The following TMEFF2 variants were observed in gnomAD, a reference collection of about 807,000 sequenced individuals.
The protein encoded by TMEFF2 is transmembrane protein with EGF like and two follistatin like domains 2.
Under a neutral mutation model 53.8 loss-of-function variants are expected in TMEFF2, and 28 were observed. That is an observed-to-expected ratio of 0.52 (90% CI 0.39 to 0.71). The LOEUF is 0.71. TMEFF2 is among the 30% of genes least tolerant of loss of function. The pLI, the probability that TMEFF2 is intolerant of heterozygous loss-of-function variation, is 0.00. For synonymous variants in TMEFF2, 162 were observed against 166.3 expected, an observed-to-expected ratio of 0.97 and a Z score of 0.20; for missense variants, 353 against 455.2, an observed-to-expected ratio of 0.78 and a Z score of 2.04.
At chr2:192,040,491 A>G (rs1386473134) in intron 5 of TMEFF2, among the ~76,000 whole-genome samples, 2 of 152,140 alleles carry the variant, frequency 1.3e-5, no homozygotes, top group African/African-American at 4.8e-5. Context: ...TTAATGTATA[A>G]GGATTAAAAT....
At chr2:191,972,029 T>C (rs1692657428) in intron 7 of TMEFF2, among the ~76,000 whole-genome samples, 1 of 152,140 alleles carries the variant, frequency 6.6e-6, no homozygotes, top group African/African-American at 2.4e-5. Context: ...GGAAACAGCC[T>C]TGTGGCTAGA....
chr2:192,038,273 T>G (rs1029793750), intron 5 of TMEFF2, among the ~76,000 whole-genome samples: 1 of 152,246 alleles, frequency 6.6e-6, no homozygotes, highest in Middle Eastern at 3.4e-3. Context: ...CTAAGTAAAC[T>G]TAGACAAGTT....
intron 4 of TMEFF2, among the ~76,000 whole-genome samples, chr2:192,089,523 C>A (rs1020403952): frequency 2.0e-5 from 3 of 152,080 alleles, no homozygotes; most frequent in Non-Finnish European, 2.9e-5. Flanking sequence ...CCCTTAGAAT[C>A]TTTGACAGTC....
chr2:192,061,168 A>C (rs1688035328), intron 4 of TMEFF2, among the ~76,000 whole-genome samples: 1 of 152,122 alleles, frequency 6.6e-6, no homozygotes, highest in African/African-American at 2.4e-5. Context: ...TGACTCTTAT[A>C]ATATTCTTAA....
Position 192,071,583 on chromosome 2 carries a change from G to A in TMEFF2, c.440-13808C>T, listed in dbSNP as rs1325896015. Among the ~76,000 whole-genome samples, 3 of 151,846 alleles carry A rather than the reference G, an allele frequency of 2.0e-5. No individual in the cohort carries two copies. In the South Asian group the frequency reaches 6.2e-4, roughly 31 times the overall value. On this transcript the variant is annotated intron_variant, in intron 4 of 9. Coordinates refer to ENST00000272771, the MANE Select transcript of TMEFF2 (RefSeq NM_016192.4). ...ATCTCTCAGTGTCTGCGAGGGATTA[G>A]TTCCAGGAACTCCTGTGGACACCAG...
intron 4 of TMEFF2, among the ~76,000 whole-genome samples, chr2:192,128,582 T>C (rs139950025): frequency 2.0e-5 from 3 of 152,162 alleles, no homozygotes; most frequent in Non-Finnish European, 4.4e-5. Context: ...ACAAACAGTA[T>C]CTATTTTAAT....
At chr2:192,175,412 T>C (rs1691016791) in intron 4 of TMEFF2, among the ~76,000 whole-genome samples, 1 of 151,650 alleles carries the variant, frequency 6.6e-6, no homozygotes, top group Admixed American at 6.6e-5. Context: ...TTGGTAATGT[T>C]ATATGAAAAT....
chr2:191,999,059 C>A lies in TMEFF2; in HGVS notation c.685+1G>T. The A allele has an allele frequency of 6.2e-7, 1 of 1,606,590 alleles. No individual in the cohort carries two copies. Among genetic ancestry groups the A allele is most frequent in the Non-Finnish European group, 8.5e-7 (1 of 1,175,594 alleles). Reference sequence around the variant, plus strand: ...GAAATGAATTTTGGTATGAACATTACCTTGACATCGACCCAAAGACATGAC... The same window carrying A: ...GAAATGAATTTTGGTATGAACATTAACTTGACATCGACCCAAAGACATGAC... On this transcript the variant is annotated splice_donor_variant, in intron 6 of 9. Coordinates refer to ENST00000272771, the MANE Select transcript of TMEFF2 (RefSeq NM_016192.4). LOFTEE classifies it high-confidence loss of function.
chr2:192,182,931 G>C (rs1207791779), intron 3 of TMEFF2, among the ~76,000 whole-genome samples: 1 of 151,898 alleles, frequency 6.6e-6, no homozygotes, highest in Non-Finnish European at 1.5e-5. Flanking sequence ...CTTAGTATGA[G>C]AGCAGCATGC....
chr2:192,067,584 T>G (rs1299909125), intron 4 of TMEFF2, among the ~76,000 whole-genome samples: 2 of 151,888 alleles, frequency 1.3e-5, no homozygotes, highest in Non-Finnish European at 2.9e-5. Context: ...ACTTTGTACT[T>G]AATTCTTCTA....
intron 4 of TMEFF2, among the ~76,000 whole-genome samples, chr2:192,059,726 A>G (rs1687998884): frequency 6.6e-6 from 1 of 152,170 alleles, no homozygotes; most frequent in Admixed American, 6.5e-5. Flanking sequence ...TTCTACCAGA[A>G]GTCATATTAC....
Position 192,134,814 on chromosome 2 carries a change from T to C in TMEFF2, c.439+44854A>G, listed in dbSNP as rs530261820. Among the ~76,000 whole-genome samples the C allele has an allele frequency of 2.6e-3, 394 of 152,288 alleles. 4 individuals carry two copies. Among genetic ancestry groups the C allele is most frequent in the African/African-American group, 8.5e-3 (355 of 41,554 alleles). ...AATTCCTCAGTTTAGCCTTCCCACC[T>C]CTATACAGTCTGATAACAGACCAGC... On this transcript the variant is annotated intron_variant, in intron 4 of 9. Coordinates refer to ENST00000272771, the MANE Select transcript of TMEFF2 (RefSeq NM_016192.4).
intron 7 of TMEFF2, among the ~76,000 whole-genome samples, chr2:191,957,080 C>A (rs141135916): frequency 5.3e-5 from 8 of 152,174 alleles, no homozygotes; most frequent in African/African-American, 7.2e-5. Flanking sequence ...CCTAAACTTA[C>A]GATAACGAAT....
At position 192,179,658 on chromosome 2, in the gene TMEFF2, C is replaced by T. The variant is rs775371384; in HGVS notation, c.439+10G>A. 26 of 1,553,056 alleles carry T rather than the reference C, an allele frequency of 1.7e-5. No individual in the cohort carries two copies. The highest frequency in any genetic ancestry group is 4.9e-5 in the East Asian group (2 of 40,722). On this transcript the variant is annotated intron_variant, in intron 4 of 9. Transcript: ENST00000272771. ...GTAAATCTTCAAATATGTAAAAAGG[C>T]AACTCCTACCTCCATCTCCAGATCC...
At chr2:192,102,866 T>C (rs991641001) in intron 4 of TMEFF2, among the ~76,000 whole-genome samples, 1 of 152,156 alleles carries the variant, frequency 6.6e-6, no homozygotes, top group Admixed American at 6.6e-5. Context: ...CCACCACTCC[T>C]GGCCTCAATA....
intron 4 of TMEFF2, among the ~76,000 whole-genome samples, chr2:192,064,915 T>C (rs1688132924): frequency 6.6e-6 from 1 of 151,836 alleles, no homozygotes; most frequent in African/African-American, 2.4e-5. Flanking sequence ...TGCCATTGAT[T>C]CTGTAAGCCT....
chr2:192,126,427 A>G (rs1689680406), intron 4 of TMEFF2, among the ~76,000 whole-genome samples: 1 of 152,246 alleles, frequency 6.6e-6, no homozygotes, highest in Non-Finnish European at 1.5e-5. Flanking sequence ...TCTCAAATAC[A>G]TTAAAATATT....
chr2:191,958,367 T>C (rs926716086), intron 7 of TMEFF2, among the ~76,000 whole-genome samples: 1 of 152,220 alleles, frequency 6.6e-6, no homozygotes, highest in Non-Finnish European at 1.5e-5. Flanking sequence ...TTCCCTAAAT[T>C]TCAGTTATAC....
chr2:192,130,894 ACT>A (rs1284814660), intron 4 of TMEFF2, among the ~76,000 whole-genome samples: 1 of 148,942 alleles, frequency 6.7e-6, no homozygotes, highest in Non-Finnish European at 1.5e-5. Flanking sequence ...TTGCCCCAAA[ACT>A]CCGGCGCTGG....
Sources: allele counts gnomAD v4.1 joint callset (sites outside exome capture counted in the v4.1 genomes callset), GRCh38; gene constraint gnomAD v4.1.1; transcripts MANE v1.5; gene names NCBI Gene and HGNC (gene_info 2026-07-23, HGNC 2026-07-21).